The following PPP2R2D variants were observed in gnomAD, a reference collection of about 807,000 sequenced individuals.
PPP2R2D encodes protein phosphatase 2 regulatory subunit Bdelta, also known as serine/threonine-protein phosphatase 2A 55 kDa regulatory subunit B delta isoform.
Under a neutral mutation model 31.1 loss-of-function variants are expected in PPP2R2D, and 9 were observed. The ratio of observed to expected loss-of-function variants is 0.29; its 90% CI spans 0.17 to 0.51. PPP2R2D has a LOEUF of 0.51. Among genes scored for constraint, PPP2R2D ranks in the 20% least tolerant of loss-of-function variants. The pLI, the probability that PPP2R2D is intolerant of heterozygous loss-of-function variation, is 0.98. For synonymous variants in PPP2R2D, 179 were observed against 172.6 expected, an observed-to-expected ratio of 1.04 and a Z score of -0.29; for missense variants, 391 against 465.6, an observed-to-expected ratio of 0.84 and a Z score of 1.48.
chr10:131,938,594 T>C lies in PPP2R2D; in HGVS notation c.199-1437T>C, dbSNP rs552236411. Among the ~76,000 whole-genome samples, 17 of 152,354 alleles carry C rather than the reference T, an allele frequency of 1.1e-4. 1 individual carries two copies. The South Asian group carries it at 3.5e-3, about 32-fold the overall frequency. On this transcript the variant is annotated intron_variant, in intron 3 of 8. Transcript: ENST00000455566. ...TAGCTTCCCAGAGTTGCTCATGATT[T>C]TGAAGATGGCATATGTCTTCCCAAG...
In PPP2R2D at chr10:131,945,154, G is replaced by A; in HGVS notation, c.656-141G>A. The A allele has an allele frequency of 2.1e-6, 2 of 963,032 alleles. No homozygotes were observed. Among genetic ancestry groups the A allele is most frequent in the East Asian group, 2.8e-5 (1 of 35,716 alleles). 59.7% of individuals were successfully genotyped at this position (963,032 alleles called of 1,614,324 possible). A position where few individuals can be genotyped will look rare whatever the true frequency, so the allele number is the denominator to read the frequency against. On this transcript the variant is annotated intron_variant, in intron 6 of 8. Coordinates refer to ENST00000455566, the MANE Select transcript of PPP2R2D (RefSeq NM_018461.5). The surrounding 1 kb of genome is among the most constrained non-coding windows in gnomAD (Gnocchi z 4.8). The stretch of plus-strand genomic sequence containing the variant: ...TTACCAGGCGCTCCTTTGGAATTCG[G>A]GATGTGTAACCAGCCTTCTTAATAG...
intron 3 of PPP2R2D, among the ~76,000 whole-genome samples, chr10:131,935,293 G>A (rs532521216): frequency 6.6e-6 from 1 of 152,372 alleles, no homozygotes; most frequent in Non-Finnish European, 1.5e-5. Flanking sequence ...CCTGGGGTCT[G>A]AAATATTTGT....
At position 131,945,191 on chromosome 10, in the gene PPP2R2D, A is replaced by C. The variant is rs1554897775; in HGVS notation, c.656-104A>C. The C allele has an allele frequency of 2.2e-6, 3 of 1,358,276 alleles. No homozygotes were observed. The highest frequency in any genetic ancestry group is 3.0e-6 in the Non-Finnish European group (3 of 991,166). 84.1% of individuals were successfully genotyped at this position (1,358,276 alleles called of 1,614,324 possible). A position where few individuals can be genotyped will look rare whatever the true frequency, so the allele number is the denominator to read the frequency against. Reference sequence around the variant, plus strand: ...AGCCTTCTTAATAGCTAATCCCTTAAACCTCACTGCGTGGATTATTTGGCG... The same window carrying C: ...AGCCTTCTTAATAGCTAATCCCTTACACCTCACTGCGTGGATTATTTGGCG... On this transcript the variant is annotated intron_variant, in intron 6 of 8. Coordinates refer to ENST00000455566, the MANE Select transcript of PPP2R2D (RefSeq NM_018461.5). This position sits in a 1 kb window ranked among gnomAD's most constrained non-coding sequence, Gnocchi z 4.8.
At chr10:131,926,471 G>C (rs1389333277) in intron 2 of PPP2R2D, among the ~76,000 whole-genome samples, 1 of 152,108 alleles carries the variant, frequency 6.6e-6, no homozygotes, top group African/African-American at 2.4e-5. Flanking sequence ...GAGCCCAGGA[G>C]TTCGTGACCA....
At chr10:131,965,453 G>A in the PPP2R2D span, among the ~76,000 whole-genome samples, 3 of 152,120 alleles carry the variant, frequency 2.0e-5, no homozygotes, top group Non-Finnish European at 2.9e-5. Flanking sequence ...AAAACTAGGG[G>A]GCTTTTATTT....
intron 2 of PPP2R2D, among the ~76,000 whole-genome samples, chr10:131,928,525 A>G (rs1288474420): frequency 1.3e-5 from 2 of 152,242 alleles, no homozygotes; most frequent in African/African-American, 4.8e-5. Flanking sequence ...GGGTATTGAC[A>G]GGGTTTTTTC....
chr10:131,968,298 G>A, the PPP2R2D span: 1 of 374,792 alleles, frequency 2.7e-6, no homozygotes, highest in Non-Finnish European at 4.8e-6. Flanking sequence ...AATTTTCACA[G>A]TAGACATTAA....
chr10:131,906,622 C>A (rs1448147949), intron 2 of PPP2R2D, among the ~76,000 whole-genome samples: 2 of 151,926 alleles, frequency 1.3e-5, no homozygotes, highest in African/African-American at 2.4e-5. Context: ...GTTACTGTTT[C>A]ATTGAATGTA....
Position 131,952,419 on chromosome 10 carries a change from G to A in PPP2R2D, c.1083-3265G>A, listed in dbSNP as rs1228461026. ...CTGTCTTAGTGACTTGCGGGTGTGC[G>A]GGGGTTCACTGTCTTAGCAGTGACT... On this transcript the variant is annotated intron_variant, in intron 8 of 8. Coordinates refer to ENST00000455566, the MANE Select transcript of PPP2R2D (RefSeq NM_018461.5). Among the ~76,000 whole-genome samples the A allele has an allele frequency of 3.9e-3, 358 of 92,128 alleles. 10 individuals carry two copies. The highest frequency in any genetic ancestry group is 0.014 in the African/African-American group (316 of 22,318). The allele number at this position is 92,128 out of a possible 152,430, so 60.4% of individuals were successfully genotyped here. A position where few individuals can be genotyped will look rare whatever the true frequency, so the allele number is the denominator to read the frequency against.
the PPP2R2D span, chr10:131,970,871 G>C: frequency 6.2e-7 from 1 of 1,614,206 alleles, no homozygotes; most frequent in South Asian, 1.1e-5. The surrounding 1 kb of genome is among the most constrained non-coding windows in gnomAD (Gnocchi z 4.1). Context: ...CACTTGGGGG[G>C]AATATTTTCC....
chr10:131,917,807 A>G (rs1554893464), intron 2 of PPP2R2D, among the ~76,000 whole-genome samples: 2 of 114,994 alleles, frequency 1.7e-5, no homozygotes, highest in Non-Finnish European at 3.6e-5. Context: ...GGGTGGAATG[A>G]CACAGTGTAG....
intron 2 of PPP2R2D, among the ~76,000 whole-genome samples, chr10:131,907,175 G>A (rs1442043369): frequency 1.3e-5 from 2 of 151,864 alleles, no homozygotes; most frequent in African/African-American, 2.4e-5. Flanking sequence ...CAGATAATGG[G>A]CATTTGGTAT....
At chr10:131,935,967 G>A (rs375127188) in intron 3 of PPP2R2D, among the ~76,000 whole-genome samples, 6 of 151,934 alleles carry the variant, frequency 3.9e-5, no homozygotes, top group African/African-American at 1.4e-4. Context: ...GGAGGCTGAG[G>A]CAGGAGAATC....
At chr10:131,938,799 C>T (rs2036389653) in intron 3 of PPP2R2D, among the ~76,000 whole-genome samples, 1 of 152,326 alleles carries the variant, frequency 6.6e-6, no homozygotes, top group Admixed American at 6.5e-5. Flanking sequence ...TTGCCCTTCG[C>T]CTCTGGTTGG....
Position 131,945,584 on chromosome 10 carries a change from C to G in PPP2R2D, c.820+125C>G. The G allele has an allele frequency of 8.5e-7, 1 of 1,170,074 alleles. No homozygotes were observed. The highest frequency in any genetic ancestry group is 1.2e-6 in the Non-Finnish European group (1 of 850,446). 72.5% of individuals were successfully genotyped at this position (1,170,074 alleles called of 1,614,324 possible). A position where few individuals can be genotyped will look rare whatever the true frequency, so the allele number is the denominator to read the frequency against. On this transcript the variant is annotated intron_variant, in intron 7 of 8. Transcript: ENST00000455566. This position sits in a 1 kb window ranked among gnomAD's most constrained non-coding sequence, Gnocchi z 4.8. ...CAGCAAGTCTTCTGCCTCGGCCTCCCGAGTAGCTGGGACCACAGGCAGGTG... is the reference window on the plus strand; with the variant it reads ...CAGCAAGTCTTCTGCCTCGGCCTCCGGAGTAGCTGGGACCACAGGCAGGTG...
At chr10:131,913,602 CAT>C (rs1440028569) in intron 2 of PPP2R2D, among the ~76,000 whole-genome samples, 1 of 152,090 alleles carries the variant, frequency 6.6e-6, no homozygotes, top group Non-Finnish European at 1.5e-5. Flanking sequence ...ACTGAAATAT[CAT>C]GTGAGGCTTA....
chr10:131,943,393 G>A (rs140232417), intron 5 of PPP2R2D, among the ~76,000 whole-genome samples: 4 of 152,308 alleles, frequency 2.6e-5, no homozygotes, highest in African/African-American at 9.6e-5. Flanking sequence ...TAAGTGACCA[G>A]CTCCATGAAT....
chr10:131,961,356 C>T (rs2036917271), downstream of PPP2R2D, among the ~76,000 whole-genome samples: 1 of 152,154 alleles, frequency 6.6e-6, no homozygotes, highest in Non-Finnish European at 1.5e-5. Flanking sequence ...CACCCCCAGC[C>T]CCACAGGGCT....
chr10:131,933,490 C>G (rs2036279019), intron 2 of PPP2R2D, among the ~76,000 whole-genome samples: 1 of 152,148 alleles, frequency 6.6e-6, no homozygotes, highest in Non-Finnish European at 1.5e-5. Context: ...CTAGCTGTTC[C>G]TGAGACTCCC....
Sources: gnomAD v4.1 joint callset for allele counts (sites outside exome capture counted in the v4.1 genomes callset) on GRCh38, gnomAD v4.1.1 for gene constraint, Gnocchi (gnomAD v3.1) non-coding constraint, MANE v1.5 for transcripts, NCBI Gene and HGNC (gene_info 2026-07-23, HGNC 2026-07-21) for gene names.